NF1: variants seen among roughly 807,000 people sequenced by gnomAD.
NF1 encodes neurofibromin 1.
A neutral mutation model predicts 325.7 loss-of-function variants in NF1; 122 were observed. The observed-to-expected ratio is 0.37, with a 90% CI of 0.32 to 0.44. The LOEUF (loss-of-function observed/expected upper bound fraction) is 0.44. Ranked by LOEUF, NF1 falls within the 20% of genes least tolerant of loss-of-function variation. The probability of loss-of-function intolerance (pLI) is 1.00; values close to 1 mark genes in which losing one functional copy is unlikely to be tolerated. For missense variants in NF1, 2,140 were observed against 3,415.4 expected (o/e 0.63, Z 9.31); for synonymous variants, 1,091 against 1,186.0 (o/e 0.92, Z 1.65).
chr17:31,169,890 G>T lies in NF1; in HGVS notation c.480-1G>T, dbSNP rs2065902916. 6.2e-7 allele frequency: 1 copy of T among 1,603,266 alleles called. No individual in the cohort carries two copies. The highest frequency in any genetic ancestry group is 8.5e-7 in the Non-Finnish European group (1 of 1,171,014). ...AGTTAATTTTGGTTTTTACTTTTTAGGTTACAGGAATTAACTGTTTGTTCA... is the reference window on the plus strand; with the variant it reads ...AGTTAATTTTGGTTTTTACTTTTTATGTTACAGGAATTAACTGTTTGTTCA... On this transcript the variant is annotated splice_acceptor_variant, in intron 4 of 57. Transcript: ENST00000358273. LOFTEE classifies it high-confidence loss of function.
intron 51 of NF1, among the ~76,000 whole-genome samples, chr17:31,354,416 A>G (rs1322462577): frequency 1.3e-5 from 2 of 149,146 alleles, no homozygotes; most frequent in African/African-American, 4.9e-5. Context: ...TCATGGCATC[A>G]TGGGGAATGG....
Position 31,182,914 on chromosome 17 carries a change from C to T in NF1, c.888+249C>T, listed in dbSNP as rs942213270. ...TAATCCCTTAGTTTCATTCTTTTGTCTGAGAAGACTAAACGATACCTCTGT... is the reference window on the plus strand; with the variant it reads ...TAATCCCTTAGTTTCATTCTTTTGTTTGAGAAGACTAAACGATACCTCTGT... On this transcript the variant is annotated intron_variant, in intron 8 of 57. Transcript: ENST00000358273. 23 of 600,884 alleles carry T rather than the reference C, an allele frequency of 3.8e-5. No individual in the cohort carries two copies. The Admixed American group carries it at 5.4e-4, about 14-fold the overall frequency. The allele number at this position is 600,884 out of a possible 1,614,324, so 37.2% of individuals were successfully genotyped here. A position where few individuals can be genotyped will look rare whatever the true frequency, so the allele number is the denominator to read the frequency against.
intron 36 of NF1, among the ~76,000 whole-genome samples, chr17:31,286,368 C>T (rs1038579405): frequency 6.6e-6 from 1 of 152,158 alleles, no homozygotes; most frequent in Non-Finnish European, 1.5e-5. Context: ...TGCTTACAGG[C>T]GTGAGCCACC....
chr17:31,141,164 A>T (rs1467845343), intron 1 of NF1, among the ~76,000 whole-genome samples: 1 of 152,194 alleles, frequency 6.6e-6, no homozygotes, highest in Non-Finnish European at 1.5e-5. Context: ...TGCTGTCTAT[A>T]CACATCCCAA....
intron 57 of NF1, among the ~76,000 whole-genome samples, chr17:31,373,667 T>C (rs1175843153): frequency 6.6e-6 from 1 of 152,234 alleles, no homozygotes. Flanking sequence ...AGAACACATA[T>C]AGACAGTGGT....
At chr17:31,273,303 G>A (rs952951989) in intron 36 of NF1, among the ~76,000 whole-genome samples, 1 of 152,072 alleles carries the variant, frequency 6.6e-6, no homozygotes, top group African/African-American at 2.4e-5. Context: ...CTGGGATGAG[G>A]TTTTCTTCAT....
chr17:31,325,113 G>A (rs1240142580), intron 36 of NF1, among the ~76,000 whole-genome samples: 1 of 152,112 alleles, frequency 6.6e-6, no homozygotes, highest in Non-Finnish European at 1.5e-5. Context: ...TCAAAAAATG[G>A]TATTTATTGG....
At chr17:31,150,520 AC>A in intron 1 of NF1, among the ~76,000 whole-genome samples, 1 of 152,222 alleles carries the variant, frequency 6.6e-6, no homozygotes, top group East Asian at 1.9e-4. Flanking sequence ...ATTGAAATGA[AC>A]TAGAAACCTC....
intron 8 of NF1, among the ~76,000 whole-genome samples, chr17:31,189,907 A>G (rs2066310845): frequency 6.6e-6 from 1 of 151,408 alleles, no homozygotes; most frequent in Non-Finnish European, 1.5e-5. Flanking sequence ...AATTACAGGC[A>G]TGCGCCACCA....
chr17:31,229,620 G>C, intron 21 of NF1, 155 bp downstream of exon 21: 1 of 1,036,052 alleles, frequency 9.7e-7, no homozygotes, highest in Non-Finnish European at 1.5e-6. Context: ...GTAGGGGTCA[G>C]CTTGCCTCTT....
At chr17:31,200,377 A>C in intron 8 of NF1, 45 bp from the exon 9 acceptor site, 1 of 1,587,776 alleles carries the variant, frequency 6.3e-7, no homozygotes, top group Non-Finnish European at 8.6e-7. Flanking sequence ...TCTGGAATAG[A>C]AGAAACTTCA....
chr17:31,155,492 A>G lies in NF1; in HGVS notation c.61-491A>G, dbSNP rs571317291. ...TCTGAACAATCAGCAGTTGTTTGCC[A>G]TTATTGACAAGAAGTCTAGGGCATA... On this transcript the variant is annotated intron_variant, in intron 1 of 57. Transcript: ENST00000358273. 3.3e-5 allele frequency among the ~76,000 whole-genome samples: 5 copies of G among 152,292 alleles called. No individual in the cohort carries two copies. In the South Asian group the frequency reaches 8.3e-4, roughly 25 times the overall value.
rs76356251 is a variant in NF1, at chr17:31,154,346, C to T, written c.61-1637C>T. ...TTCTGGGATTACAAATGTGAGCCAC[C>T]GCACCTGGCCATTTCTCTGATTTTT... On this transcript the variant is annotated intron_variant, in intron 1 of 57. Coordinates refer to ENST00000358273, the MANE Select transcript of NF1 (RefSeq NM_001042492.3). Among the ~76,000 whole-genome samples, 858 of 152,078 alleles carry T rather than the reference C, an allele frequency of 5.6e-3. 28 individuals are homozygous for T. The highest frequency in any genetic ancestry group is 0.048 in the East Asian group (251 of 5,182).
intron 36 of NF1, chr17:31,305,385 T>C (rs371540689): frequency 5.6e-6 from 9 of 1,614,096 alleles, no homozygotes; most frequent in Middle Eastern, 1.6e-4. Context: ...CAGCAGTGAC[T>C]TTGGCAGGTG....
chr17:31,373,497 C>T (rs938265635), intron 57 of NF1, among the ~76,000 whole-genome samples: 1 of 152,166 alleles, frequency 6.6e-6, no homozygotes, highest in East Asian at 1.9e-4. Flanking sequence ...GCTATGATAG[C>T]AAACTTTGCA....
rs1027263325 is a variant in NF1, at chr17:31,265,957, C to CT, written c.4835+624dup. 4.6e-5 allele frequency among the ~76,000 whole-genome samples: 7 copies of CT among 152,176 alleles called. No homozygotes were observed. In the South Asian group the frequency reaches 1.2e-3, roughly 27 times the overall value. ...CTTGCTTTCCCTACCATTGTCTTTT[C>CT]TTTTTTGCTTCATTTTACCTTCCTT... On this transcript the variant is annotated intron_variant, in intron 36 of 57. Transcript: ENST00000358273.
At chr17:31,318,455 C>A in intron 36 of NF1, 2 of 1,613,972 alleles carry the variant, frequency 1.2e-6, no homozygotes, top group Non-Finnish European at 1.7e-6. Context: ...GGCCATAGAC[C>A]GCTTGCCAGA....
At chr17:31,232,219 C>G (rs1330189918) in intron 25 of NF1, 30 bp downstream of exon 25, 1 of 1,399,048 alleles carries the variant, frequency 7.1e-7, no homozygotes, top group African/African-American at 1.4e-5. Flanking sequence ...AAACATAAAG[C>G]AAAAAGCAAA....
chr17:31,171,088 T>C (rs191133585), intron 5 of NF1, among the ~76,000 whole-genome samples: 1 of 152,298 alleles, frequency 6.6e-6, no homozygotes, highest in East Asian at 1.9e-4. Flanking sequence ...TCACCAGAGA[T>C]GTAAAAAGGC....
Sources: allele counts gnomAD v4.1 joint callset (sites outside exome capture counted in the v4.1 genomes callset), GRCh38; gene constraint gnomAD v4.1.1; transcripts MANE v1.5; gene names NCBI Gene and HGNC (gene_info 2026-07-23, HGNC 2026-07-21).